Variants in SIRT2 observed in about 807,000 individuals in gnomAD.
SIRT2 encodes NAD-dependent protein deacetylase sirtuin-2.
In SIRT2, 40 loss-of-function variants were observed where a neutral mutation model predicts 57.4. That is an observed-to-expected ratio of 0.70 (90% CI 0.54 to 0.91). The LOEUF is 0.91. SIRT2 is among the 40% of genes least tolerant of loss of function. The pLI, the probability that SIRT2 is intolerant of heterozygous loss-of-function variation, is 0.00. For missense variants in SIRT2, 439 were observed against 510.4 expected (o/e 0.86, Z 1.35); for synonymous variants, 161 against 195.7 (o/e 0.82, Z 1.48).
rs746141768 is a variant in SIRT2 at position 38,885,428 on chromosome 19, CT to C, written c.502-1673del. On this transcript the variant is annotated intron_variant, in intron 8 of 15. Transcript: ENST00000249396. Reference sequence around the variant, plus strand: ...CCACTGTTTTCTTTTCTTTTCTTTTCTTTTTTTTTTTTTTCAGATGGAGTTT... The same window carrying C: ...CCACTGTTTTCTTTTCTTTTCTTTTCTTTTTTTTTTTTTCAGATGGAGTTT... Among the ~76,000 whole-genome samples, 1,022 of 137,672 alleles carry C rather than the reference CT, an allele frequency of 7.4e-3. 9 individuals carry two copies. The highest frequency in any genetic ancestry group is 0.013 in the African/African-American group (510 of 37,884). The allele number at this position is 137,672 out of a possible 152,430, so 90.3% of individuals were successfully genotyped here.
chr19:38,888,347 A>T (rs926401263), intron 8 of SIRT2, among the ~76,000 whole-genome samples: 3 of 151,956 alleles, frequency 2.0e-5, no homozygotes, highest in African/African-American at 7.3e-5. Context: ...TAATTTTTGT[A>T]TTTCTTGTAG....
rs200425485 is a variant in SIRT2, at chr19:38,891,361, T to C, written c.227-1217A>G. Among the ~76,000 whole-genome samples the C allele has an allele frequency of 3.5e-3, 537 of 152,036 alleles. 3 individuals carry two copies. Among genetic ancestry groups the C allele is most frequent in the African/African-American group, 0.012 (486 of 41,452 alleles). ...GTCAGGAGTTCAAGACCAGCCTGGC[T>C]AACATGGTGAAACCCCGTCTCTACT... On this transcript the variant is annotated intron_variant, in intron 4 of 15. Transcript: ENST00000249396.
intron 2 of SIRT2, among the ~76,000 whole-genome samples, chr19:38,898,001 G>A (rs1056692160): frequency 2.0e-5 from 3 of 152,178 alleles, no homozygotes; most frequent in African/African-American, 7.2e-5. Context: ...ACTGCATCTG[G>A]CCCCCTGAGT....
chr19:38,886,863 G>A (rs1973357946), intron 8 of SIRT2, among the ~76,000 whole-genome samples: 1 of 151,986 alleles, frequency 6.6e-6, no homozygotes, highest in South Asian at 2.1e-4. Flanking sequence ...GTTGACTTTG[G>A]CCTCCCAAAG....
chr19:38,880,883 C>T lies in SIRT2; in HGVS notation c.762G>A (p.Val254=). 1 of 1,613,678 alleles carries T rather than the reference C, an allele frequency of 6.2e-7. No homozygotes were observed. The change falls in exon 12 of 16, where the codon GTG becomes GTA. Residue 254 remains valine (V), a synonymous_variant. Transcript: ENST00000249396. This position sits in a 1 kb window ranked among gnomAD's most constrained non-coding sequence, Gnocchi z 4.1. ...AGGTACCCATGACCAGGAGGAGGTC[C>T]ACCTTCAGGAAGTCCTGCGGGGAGG... ...FSCMQSDFLK[V]DLLLVMGTSL...
At chr19:38,891,779 T>A in intron 4 of SIRT2, 1 of 445,370 alleles carries the variant, frequency 2.2e-6, no homozygotes, top group South Asian at 1.6e-5. Flanking sequence ...CTGGGCACCC[T>A]CATGAGCCAA....
At chr19:38,882,358 G>C (rs1020967104) in intron 9 of SIRT2, among the ~76,000 whole-genome samples, 10 of 152,148 alleles carry the variant, frequency 6.6e-5, no homozygotes, top group African/African-American at 2.2e-4. Flanking sequence ...TTTCTGGCCG[G>C]GTGTGGTGGC....
At chr19:38,892,736 CTA>C (rs1039313415) in intron 4 of SIRT2, among the ~76,000 whole-genome samples, 3 of 115,658 alleles carry the variant, frequency 2.6e-5, no homozygotes, top group African/African-American at 8.4e-5. Context: ...CCATATCTGA[CTA>C]TTTTTTTTTT....
intron 2 of SIRT2, among the ~76,000 whole-genome samples, chr19:38,897,186 G>T (rs758585894): frequency 6.6e-6 from 1 of 152,154 alleles, no homozygotes; most frequent in Admixed American, 6.5e-5. Context: ...GATGAGGCAC[G>T]TTTGGCACTA....
intron 13 of SIRT2, chr19:38,880,000 T>C (rs901777878): frequency 2.8e-6 from 1 of 358,678 alleles, no homozygotes; most frequent in Non-Finnish European, 5.2e-6. Flanking sequence ...TAATTTTGTA[T>C]TATTAGTAGA....
Position 38,893,818 on chromosome 19 carries a change from C to G in SIRT2, c.112+1G>C. 6.2e-7 allele frequency: 1 copy of G among 1,614,134 alleles called. No individual in the cohort carries two copies. ...CCCTGTCCCTCCAGGAAGATACTCA[C>G]TGTCTGCTTCTCCACCAGCGGCTCC... On this transcript the variant is annotated splice_donor_variant, in intron 3 of 15. Transcript: ENST00000249396. LOFTEE classifies it high-confidence loss of function.
chr19:38,892,048 G>C, intron 4 of SIRT2: 1 of 381,924 alleles, frequency 2.6e-6, no homozygotes, highest in Non-Finnish European at 5.5e-6. Context: ...TCTAGTTGAG[G>C]ACTGCCAAGG....
At chr19:38,893,649 G>GGCCCA (rs1973619424) in intron 3 of SIRT2, 122 bp from the exon 4 acceptor site, 2 of 1,173,282 alleles carry the variant, frequency 1.7e-6, no homozygotes, top group East Asian at 4.8e-5. Flanking sequence ...CACAAGGCCC[G>GGCCCA]GCCCAGCCAG....
chr19:38,888,930 G>A (rs977780369), intron 8 of SIRT2, among the ~76,000 whole-genome samples, 157 bp downstream of exon 8: 8 of 152,232 alleles, frequency 5.3e-5, no homozygotes, highest in Admixed American at 1.3e-4. Context: ...GTGACTCACG[G>A]CAGGTCATGC....
chr19:38,883,336 G>A (rs1433118258), intron 9 of SIRT2, among the ~76,000 whole-genome samples: 2 of 151,442 alleles, frequency 1.3e-5, no homozygotes, highest in African/African-American at 2.4e-5. Context: ...TGATCTGCCC[G>A]CCTTGGCCTC....
Position 38,889,067 on chromosome 19 carries a change from G to C in SIRT2, c.501+20C>G. 6.2e-7 allele frequency: 1 copy of C among 1,608,840 alleles called. No homozygotes were observed. Among genetic ancestry groups the C allele is most frequent in the Non-Finnish European group, 8.5e-7 (1 of 1,179,084 alleles). On this transcript the variant is annotated intron_variant, in intron 8 of 15. Coordinates refer to ENST00000249396, the MANE Select transcript of SIRT2 (RefSeq NM_012237.4). ...GTTCCACCCGCCCATCCTCCTCCCA[G>C]GATGCTCGCATCCGCCTACCTGCGT...
intron 7 of SIRT2, 75 bp from the exon 8 acceptor site, chr19:38,889,230 T>C: frequency 7.3e-7 from 1 of 1,374,794 alleles, no homozygotes; most frequent in Non-Finnish European, 1.0e-6. Flanking sequence ...CCAGGAACTG[T>C]TCTAGGCACT....
At chr19:38,897,004 G>C (rs1052511453) in intron 2 of SIRT2, among the ~76,000 whole-genome samples, 3 of 152,144 alleles carry the variant, frequency 2.0e-5, no homozygotes, top group Non-Finnish European at 4.4e-5. Context: ...CACCTCTCCT[G>C]GCAGCCTCTG....
At chr19:38,886,146 T>C (rs779847881) in intron 8 of SIRT2, among the ~76,000 whole-genome samples, 33 of 152,142 alleles carry the variant, frequency 2.2e-4, no homozygotes, top group Admixed American at 6.5e-4. Context: ...ACGGGAAGGG[T>C]TTGTTTCCCT....
Sources: gnomAD v4.1 joint callset for allele counts (sites outside exome capture counted in the v4.1 genomes callset) on GRCh38, gnomAD v4.1.1 for gene constraint, Gnocchi (gnomAD v3.1) non-coding constraint, MANE v1.5 for transcripts, NCBI Gene and HGNC (gene_info 2026-07-23, HGNC 2026-07-21) for gene names.